DNAH11: variants seen among roughly 807,000 people sequenced by gnomAD.
The protein encoded by DNAH11 is axonemal beta dynein heavy chain 11.
Under a neutral mutation model 526.0 loss-of-function variants are expected in DNAH11, and 442 were observed. The ratio of observed to expected loss-of-function variants is 0.84; its 90% CI spans 0.78 to 0.91. The LOEUF is 0.91. DNAH11 is among the 40% of genes least tolerant of loss of function. The pLI, the probability that DNAH11 is intolerant of heterozygous loss-of-function variation, is 0.00. For synonymous variants in DNAH11, 2,461 were observed against 1,935.9 expected, an observed-to-expected ratio of 1.27 and a Z score of -7.12; for missense variants, 6,989 against 5,448.7, an observed-to-expected ratio of 1.28 and a Z score of -8.90.
chr7:21,810,171 C>T (rs527465468), intron 63 of DNAH11, among the ~76,000 whole-genome samples: 1 of 152,130 alleles, frequency 6.6e-6, no homozygotes, highest in South Asian at 2.1e-4. Context: ...AAATTCAAAC[C>T]CATAAGCAAA....
At chr7:21,660,252 C>A (rs1045467600) in intron 30 of DNAH11, among the ~76,000 whole-genome samples, 2 of 151,876 alleles carry the variant, frequency 1.3e-5, no homozygotes, top group Admixed American at 1.3e-4. Context: ...GATATTTATG[C>A]TTTTATTATG....
intron 62 of DNAH11, among the ~76,000 whole-genome samples, chr7:21,804,246 C>G (rs142165749): frequency 0.014 from 2,164 of 152,118 alleles, 40 homozygotes; most frequent in African/African-American, 0.05. Context: ...GTACCTGGGA[C>G]TACAGGTGCC....
rs534629301 is a variant in DNAH11, at chr7:21,594,098, A to ACACACACACACACACACT, written c.2667+2522_2667+2523insACACACACACACACACTC. Among the ~76,000 whole-genome samples the ACACACACACACACACACT allele has an allele frequency of 1.4e-4, 20 of 148,090 alleles. No individual in the cohort carries two copies. In the East Asian group the frequency reaches 3.7e-3, roughly 27 times the overall value. The stretch of plus-strand genomic sequence containing the variant: ...CACACACACACACACACACACACAC[A>ACACACACACACACACACT]CTCTGAAGCCATCATGAAGTAGCAC... On this transcript the variant is annotated intron_variant, in intron 14 of 81. Coordinates refer to ENST00000409508, the MANE Select transcript of DNAH11 (RefSeq NM_001277115.2).
intron 2 of DNAH11, among the ~76,000 whole-genome samples, chr7:21,547,489 G>C (rs1291134313): frequency 6.6e-6 from 1 of 152,198 alleles, no homozygotes; most frequent in Non-Finnish European, 1.5e-5. Flanking sequence ...CCCTCTCCCA[G>C]TTCCTCAGTG....
At position 21,620,033 on chromosome 7, in the gene DNAH11, A is replaced by G. The variant is rs79119693; in HGVS notation, c.4455A>G (p.Leu1485=). The stretch of plus-strand genomic sequence containing the variant: ...TTCACTATCGAACAGGCATTCCATT[A>G]CTAAAGTCTGATGAACAACTTTTTG... The part of the protein sequence containing the change: ...YEVHYRTGIP[L]LKSDEQLFET... Residue 1485 remains leucine (L), a synonymous_variant, in exon 25 of 82, where the codon TTA becomes TTG. Coordinates refer to ENST00000409508, the MANE Select transcript of DNAH11 (RefSeq NM_001277115.2). The G allele has an allele frequency of 1.5e-3, 2,480 of 1,608,380 alleles. 33 individuals are homozygous for G. The African/African-American group carries it at 0.029, about 19-fold the overall frequency.
intron 45 of DNAH11, 123 bp downstream of exon 45, chr7:21,726,107 G>C (rs1785092533): frequency 9.8e-7 from 1 of 1,020,252 alleles, no homozygotes; most frequent in Non-Finnish European, 1.3e-6. Context: ...AGGCTGCCCA[G>C]GAAGCATGAT....
intron 48 of DNAH11, 129 bp downstream of exon 48, chr7:21,739,802 C>T (rs979693362): frequency 1.5e-6 from 1 of 645,864 alleles, no homozygotes; most frequent in South Asian, 2.2e-5. Flanking sequence ...ATTTTATTCC[C>T]ACTAACAACA....
chr7:21,612,854 A>G (rs1785588748), intron 20 of DNAH11, among the ~76,000 whole-genome samples: 1 of 152,226 alleles, frequency 6.6e-6, no homozygotes, highest in African/African-American at 2.4e-5. Flanking sequence ...TTCACTTAAC[A>G]TTAGAAAATC....
At chr7:21,560,961 A>G in intron 4 of DNAH11, 110 bp from the exon 5 acceptor site, 1 of 750,472 alleles carries the variant, frequency 1.3e-6, no homozygotes, top group Non-Finnish European at 2.2e-6. Context: ...AGTGTTAAAT[A>G]CTGTATCACT....
intron 20 of DNAH11, among the ~76,000 whole-genome samples, chr7:21,611,533 C>T (rs1168262686): frequency 6.6e-6 from 1 of 152,170 alleles, no homozygotes; most frequent in South Asian, 2.1e-4. Flanking sequence ...GACTAATACA[C>T]TGGTCAAAAC....
intron 68 of DNAH11, among the ~76,000 whole-genome samples, chr7:21,859,634 C>A (rs560268909): frequency 3.7e-4 from 56 of 152,256 alleles, no homozygotes; most frequent in African/African-American, 1.3e-3. Flanking sequence ...AATATACATA[C>A]TTCAAGGTGA....
At chr7:21,584,706 T>C (rs3810898) in intron 9 of DNAH11, among the ~76,000 whole-genome samples, 23,001 of 152,162 alleles carry the variant, frequency 0.15, 1,756 homozygotes, top group East Asian at 0.19. Flanking sequence ...CTCTCAGGTA[T>C]ACTTGCTAGT....
intron 37 of DNAH11, 114 bp from the exon 38 acceptor site, chr7:21,704,320 A>C: frequency 8.7e-6 from 9 of 1,032,674 alleles, no homozygotes; most frequent in Non-Finnish European, 1.2e-5. Flanking sequence ...AATGGAGAAC[A>C]GTACCAATAT....
At chr7:21,555,950 G>A (rs1451201869) in intron 2 of DNAH11, among the ~76,000 whole-genome samples, 1 of 152,202 alleles carries the variant, frequency 6.6e-6, no homozygotes, top group African/African-American at 2.4e-5. Flanking sequence ...ATGAAGAACA[G>A]TGGAAGCAAG....
At chr7:21,763,886 C>T (rs1447419950) in intron 54 of DNAH11, among the ~76,000 whole-genome samples, 1 of 151,100 alleles carries the variant, frequency 6.6e-6, no homozygotes, top group Admixed American at 6.6e-5. Flanking sequence ...TGTCATATGT[C>T]AACATGGATG....
intron 18 of DNAH11, among the ~76,000 whole-genome samples, chr7:21,602,787 C>T (rs548480730): frequency 6.6e-6 from 1 of 152,172 alleles, no homozygotes; most frequent in Admixed American, 6.6e-5. Context: ...TAAGACCACA[C>T]TTACTTTTTG....
chr7:21,897,305 C>A (rs6461616), intron 79 of DNAH11, among the ~76,000 whole-genome samples: 151,698 of 152,228 alleles, frequency 1, 75,589 homozygotes, highest in Middle Eastern at 1. Flanking sequence ...TTTTCATGCC[C>A]TATACTCTTA....
chr7:21,552,751 A>G (rs145387223), intron 2 of DNAH11, among the ~76,000 whole-genome samples: 7 of 152,298 alleles, frequency 4.6e-5, no homozygotes, highest in African/African-American at 1.7e-4. Flanking sequence ...GGATTTTCCT[A>G]TTTAAAGACA....
rs188766964 is a variant in DNAH11 at position 21,618,584 on chromosome 7, T to C, written c.4255-516T>C. ...CAAGACAATGTGGAAATGAGAATTA[T>C]TTTTCACATGGTAAATATGAATAAT... On this transcript the variant is annotated intron_variant, in intron 23 of 81. Transcript: ENST00000409508. 262 of 160,076 alleles carry C rather than the reference T, an allele frequency of 1.6e-3. 1 individual carries two copies. In the Middle Eastern group the frequency reaches 0.027, roughly 17 times the overall value. 9.9% of individuals were successfully genotyped at this position (160,076 alleles called of 1,614,324 possible).
Sources: gnomAD v4.1 joint callset for allele counts (sites outside exome capture counted in the v4.1 genomes callset) on GRCh38, gnomAD v4.1.1 for gene constraint, MANE v1.5 for transcripts, NCBI Gene and HGNC (gene_info 2026-07-23, HGNC 2026-07-21) for gene names.